The following AUTS2 variants were observed in gnomAD, a reference collection of about 807,000 sequenced individuals.
AUTS2 encodes autism susceptibility gene 2 protein.
A neutral mutation model predicts 112.4 loss-of-function variants in AUTS2; 17 were observed. The ratio of observed to expected loss-of-function variants is 0.15; its 90% CI spans 0.10 to 0.23. AUTS2 has a LOEUF of 0.23. AUTS2 is among the 10% of genes least tolerant of loss of function. The pLI, the probability that AUTS2 is intolerant of heterozygous loss-of-function variation, is 1.00. For synonymous variants in AUTS2, 751 were observed against 702.7 expected, an observed-to-expected ratio of 1.07 and a Z score of -1.09; for missense variants, 1,510 against 1,701.6, an observed-to-expected ratio of 0.89 and a Z score of 1.98.
intron 4 of AUTS2, among the ~76,000 whole-genome samples, chr7:70,367,838 C>T (rs1192383196): frequency 1.3e-5 from 2 of 152,132 alleles, no homozygotes; most frequent in African/African-American, 4.8e-5. Context: ...TAGAAGGCCA[C>T]TGACCTTTAG....
chr7:70,292,831 ACT>A (rs1472502882), intron 4 of AUTS2: 1 of 152,016 alleles, frequency 6.6e-6, no homozygotes, highest in Non-Finnish European at 1.5e-5. Context: ...AGCCACAGAG[ACT>A]CTCGCCAACC....
intron 4 of AUTS2, among the ~76,000 whole-genome samples, chr7:70,368,189 G>C (rs62455211): frequency 6.6e-6 from 1 of 152,156 alleles, no homozygotes; most frequent in South Asian, 2.1e-4. Flanking sequence ...AATGAGATTA[G>C]TACTACCTAC....
chr7:70,185,256 A>AATTTTTTTTTTTT, intron 4 of AUTS2, among the ~76,000 whole-genome samples: 1 of 109,278 alleles, frequency 9.2e-6, no homozygotes, highest in South Asian at 3.1e-4. Context: ...ATGACATTAA[A>AATTTTTTTTTTTT]CTTTTTTTTT....
chr7:70,229,090 C>A (rs182420046), intron 4 of AUTS2, among the ~76,000 whole-genome samples: 112 of 151,838 alleles, frequency 7.4e-4, no homozygotes, highest in African/African-American at 2.5e-3. Flanking sequence ...TTATGTAGCT[C>A]TTTTTTAAAT....
intron 4 of AUTS2, among the ~76,000 whole-genome samples, chr7:70,249,601 A>T (rs561178456): frequency 6.6e-6 from 1 of 152,222 alleles, no homozygotes; most frequent in East Asian, 1.9e-4. Context: ...AGAAACACTG[A>T]TGTAGGAGAT....
intron 2 of AUTS2, among the ~76,000 whole-genome samples, chr7:70,010,594 A>C (rs1321956369): frequency 6.6e-6 from 1 of 152,184 alleles, no homozygotes; most frequent in Non-Finnish European, 1.5e-5. Flanking sequence ...ACAGCCATAG[A>C]GACATAAGAG....
intron 4 of AUTS2, among the ~76,000 whole-genome samples, chr7:70,352,484 G>A (rs1296314152): frequency 6.6e-6 from 1 of 152,074 alleles, no homozygotes; most frequent in African/African-American, 2.4e-5. Context: ...AGCGTCAGGA[G>A]GGGTTATCTA....
rs757776766 is a variant in AUTS2, at chr7:70,790,927, G to A, written c.3711G>A (p.Thr1237=). Residue 1237 remains threonine (T), a synonymous_variant, in exon 19 of 19, where the codon ACG becomes ACA. Coordinates refer to ENST00000342771, the MANE Select transcript of AUTS2 (RefSeq NM_015570.4). The surrounding 1 kb of genome is among the most constrained non-coding windows in gnomAD (Gnocchi z 7.6). ...LGGRPVSPRR[T]TPLSAEIRER... ...GCCGCCCGGTCTCTCCCAGAAGGAC[G>A]ACTCCTCTGTCCGCAGAGATAAGGG... 9 of 1,560,642 alleles carry A rather than the reference G, an allele frequency of 5.8e-6. No individual in the cohort carries two copies. The highest frequency in any genetic ancestry group is 1.4e-5 in the African/African-American group (1 of 73,362).
chr7:70,280,216 C>T (rs1788141477), intron 4 of AUTS2, among the ~76,000 whole-genome samples: 1 of 152,038 alleles, frequency 6.6e-6, no homozygotes, highest in Admixed American at 6.6e-5. Flanking sequence ...CTACTCTCTT[C>T]ATGAGCCAGA....
chr7:69,668,107 A>G (rs1269288482), intron 1 of AUTS2, among the ~76,000 whole-genome samples: 1 of 152,162 alleles, frequency 6.6e-6, no homozygotes, highest in African/African-American at 2.4e-5. Context: ...GACTCTCCTA[A>G]TAGTTGACAC....
At position 69,740,492 on chromosome 7, in the gene AUTS2, C is replaced by T. The variant is rs562565272; in HGVS notation, c.309+140530C>T. 2.0e-5 allele frequency among the ~76,000 whole-genome samples: 3 copies of T among 151,776 alleles called. No individual in the cohort carries two copies. In the East Asian group the frequency reaches 5.9e-4, roughly 30 times the overall value. ...CAATTGTGAAACATAATTAAAGATT[C>T]TTGACAAAAACATACTTAAATCAGA... On this transcript the variant is annotated intron_variant, in intron 1 of 18. Transcript: ENST00000342771.
intron 4 of AUTS2, among the ~76,000 whole-genome samples, chr7:70,302,226 C>T (rs1323626119): frequency 6.6e-6 from 1 of 152,056 alleles, no homozygotes; most frequent in Non-Finnish European, 1.5e-5. Context: ...GCCTGGGCAA[C>T]ATAGCAAGAC....
Position 70,352,018 on chromosome 7 carries a change from A to C in AUTS2, c.661-83734A>C, listed in dbSNP as rs532567635. On this transcript the variant is annotated intron_variant, in intron 4 of 18. Coordinates refer to ENST00000342771, the MANE Select transcript of AUTS2 (RefSeq NM_015570.4). ...AGGCCCAGCCTTGACCATTATTTTTAATAGCTAACAATTATTGAGGGCTTA... is the reference window on the plus strand; with the variant it reads ...AGGCCCAGCCTTGACCATTATTTTTCATAGCTAACAATTATTGAGGGCTTA... Among the ~76,000 whole-genome samples the C allele has an allele frequency of 7.9e-5, 12 of 152,312 alleles. No individual in the cohort carries two copies. The South Asian group carries it at 2.5e-3, about 32-fold the overall frequency.
At chr7:70,713,042 A>G (rs1474543185) in intron 6 of AUTS2, among the ~76,000 whole-genome samples, 4 of 152,214 alleles carry the variant, frequency 2.6e-5, no homozygotes, top group Non-Finnish European at 5.9e-5. Flanking sequence ...TGGTTCTGAC[A>G]GATGCTAGGC....
intron 4 of AUTS2, among the ~76,000 whole-genome samples, chr7:70,262,213 G>A (rs779626437): frequency 4.0e-5 from 6 of 151,832 alleles, no homozygotes; most frequent in Non-Finnish European, 8.8e-5. Context: ...GTTCTGAGAT[G>A]GAGTCTCGCT....
At chr7:69,644,369 T>C (rs191807663) in intron 1 of AUTS2, among the ~76,000 whole-genome samples, 1 of 152,224 alleles carries the variant, frequency 6.6e-6, no homozygotes, top group East Asian at 1.9e-4. Context: ...CAAAACATAC[T>C]GTCTTCAGTT....
In AUTS2 at chr7:70,787,295, A is replaced by G. The variant is rs961419320; in HGVS notation, c.2395A>G (p.Thr799Ala). Residue 799 changes from threonine (T) to alanine (A), a missense_variant, in exon 18 of 19, where the codon ACG becomes GCG. By Grantham distance (58) the Thr-to-Ala change is moderately conservative. Around this residue, in one of 3 missense-constraint regions of AUTS2, gnomAD observed 788 missense variants for 797.6 expected, o/e 0.99. Transcript: ENST00000342771. The part of the protein sequence containing the change: ...PHEPWNRLHR[T>A]PPSFPTPPPW... The stretch of plus-strand genomic sequence containing the variant: ...CGAACCCTGGAACCGGCTGCACCGA[A>G]CGCCTCCGTCGTTCCCGACCCCTCC... 6.2e-7 allele frequency: 1 copy of G among 1,614,190 alleles called. No individual in the cohort carries two copies. Among genetic ancestry groups the G allele is most frequent in the Non-Finnish European group, 8.5e-7 (1 of 1,180,026 alleles).
At chr7:70,788,306 G>A (rs1791650726) in intron 18 of AUTS2, among the ~76,000 whole-genome samples, 1 of 152,156 alleles carries the variant, frequency 6.6e-6, no homozygotes, top group African/African-American at 2.4e-5. Flanking sequence ...ATGTATGTGT[G>A]TGTGTATATC....
intron 4 of AUTS2, among the ~76,000 whole-genome samples, chr7:70,153,475 G>T (rs1470152510): frequency 3.3e-5 from 5 of 152,180 alleles, no homozygotes; most frequent in African/African-American, 1.2e-4. Flanking sequence ...TTTTGTAGGT[G>T]ATGGGTATGT....
Sources: gnomAD v4.1 joint callset for allele counts (sites outside exome capture counted in the v4.1 genomes callset) on GRCh38, gnomAD v4.1.1 for gene constraint, gnomAD v4.1.1 regional missense constraint, Gnocchi (gnomAD v3.1) non-coding constraint, MANE v1.5 for transcripts, NCBI Gene and HGNC (gene_info 2026-07-23, HGNC 2026-07-21) for gene names.